The following KNTC1 variants were observed in gnomAD, a reference collection of about 807,000 sequenced individuals.
The protein encoded by KNTC1 is kinetochore associated 1.
A neutral mutation model predicts 314.4 loss-of-function variants in KNTC1; 253 were observed. The observed-to-expected ratio is 0.80, with a 90% CI of 0.73 to 0.89. The LOEUF (loss-of-function observed/expected upper bound fraction) is 0.89, where lower values mean the gene tolerates loss of function less well. Ranked by LOEUF, KNTC1 falls within the 40% of genes least tolerant of loss-of-function variation. The pLI, the probability that KNTC1 is intolerant of heterozygous loss-of-function variation, is 0.00. For missense variants in KNTC1, 2,475 were observed against 2,572.9 expected, an observed-to-expected ratio of 0.96 and a Z score of 0.82; for synonymous variants, 901 against 901.4, an observed-to-expected ratio of 1.00 and a Z score of 0.01.
intron 49 of KNTC1, 79 bp downstream of exon 49, chr12:122,604,716 C>A: frequency 8.1e-7 from 1 of 1,241,964 alleles, no homozygotes; most frequent in Non-Finnish European, 1.2e-6. Flanking sequence ...TCTCATGCTG[C>A]CCTGGTGCCT....
Position 122,584,278 on chromosome 12 carries a change from C to G in KNTC1, c.3264C>G (p.Ser1088Arg). 1 of 1,601,540 alleles carries G rather than the reference C, an allele frequency of 6.2e-7. No individual in the cohort carries two copies. The highest frequency in any genetic ancestry group is 8.5e-7 in the Non-Finnish European group (1 of 1,172,170). ...GNIKTALKKC[S>R]DLFKYHCNAD... The stretch of plus-strand genomic sequence containing the variant: ...TACCAATACTTTCTTTCTTCCAAAG[C>G]GACTTGTTTAAGTATCACTGCAATG... Residue 1088 changes from serine (S) to arginine (R), a missense_variant and splice_region_variant, in exon 35 of 64, where the codon AGC (serine) becomes AGG (arginine). By Grantham distance (110) the Ser-to-Arg change is moderately radical. Transcript: ENST00000333479.
Position 122,549,780 on chromosome 12 carries a change from G to C in KNTC1, c.1002G>C (p.Met334Ile). ...ASANKKMKNL[M>I]VYSLPTMEIL... is the part of the protein sequence containing the mutation. Reference sequence around the variant, plus strand: ...ATTTTTCTTAGATGAAAAACCTCATGGTTTATTCATTACCTACAATGGAAA... The same window carrying C: ...ATTTTTCTTAGATGAAAAACCTCATCGTTTATTCATTACCTACAATGGAAA... The change falls in exon 13 of 64, where the codon ATG (methionine) becomes ATC (isoleucine). Residue 334 changes from methionine to isoleucine, a missense_variant. Met to Ile is a conservative substitution (Grantham distance 10). Coordinates refer to ENST00000333479, the MANE Select transcript of KNTC1 (RefSeq NM_014708.6). The C allele has an allele frequency of 6.6e-7, 1 of 1,513,516 alleles. No homozygotes were observed. The highest frequency in any genetic ancestry group is 9.1e-7 in the Non-Finnish European group (1 of 1,104,548). 93.8% of individuals were successfully genotyped at this position (1,513,516 alleles called of 1,614,324 possible).
At chr12:122,603,988 T>C (rs1872287494) in intron 48 of KNTC1, among the ~76,000 whole-genome samples, 1 of 152,088 alleles carries the variant, frequency 6.6e-6, no homozygotes, top group African/African-American at 2.4e-5. Context: ...TGGAGAGATA[T>C]CCAAGATATG....
At chr12:122,566,768 T>TG (rs1362367104) in intron 20 of KNTC1, among the ~76,000 whole-genome samples, 1 of 144,186 alleles carries the variant, frequency 6.9e-6, no homozygotes, top group Non-Finnish European at 1.5e-5. Context: ...GTTTTTTTTT[T>TG]TTTTTTTTTT....
Position 122,542,080 on chromosome 12 carries a change from GT to G in KNTC1, c.477del (p.Ser159ArgfsTer12), listed in dbSNP as rs1332934947. 1.2e-5 allele frequency: 19 copies of G among 1,546,780 alleles called. No individual in the cohort carries two copies. Among genetic ancestry groups the G allele is most frequent in the Non-Finnish European group, 1.6e-5 (18 of 1,135,796 alleles). On this transcript the variant is annotated frameshift_variant, in exon 6 of 64. Coordinates refer to ENST00000333479, the MANE Select transcript of KNTC1 (RefSeq NM_014708.6). LOFTEE classifies it high-confidence loss of function. ...TATTATATGCTACTTCTTACATACA[GT>G]GGATTTTTTTGTATTACAAACCTTC... ...GTYYMLLLTY[S>X]GFFCITNLQL...
At chr12:122,601,320 C>T (rs1022753385) in intron 44 of KNTC1, among the ~76,000 whole-genome samples, 10 of 148,960 alleles carry the variant, frequency 6.7e-5, no homozygotes, top group African/African-American at 2.2e-4. Flanking sequence ...CTCCTGACCT[C>T]GTGATCCACC....
chr12:122,591,924 C>T (rs2138049858), intron 42 of KNTC1, among the ~76,000 whole-genome samples: 1 of 152,362 alleles, frequency 6.6e-6, no homozygotes, highest in East Asian at 1.9e-4. Context: ...ACTTTGGCGG[C>T]ACTTGAGGAG....
rs1273506560 is a variant in KNTC1 at position 122,585,474 on chromosome 12, C to T, written c.3535-162C>T. ...CAGTCACTTGATTGGCTTTAATTTG[C>T]ACTATCTTTCAAAACATTGGGCCTC... On this transcript the variant is annotated intron_variant, in intron 36 of 63. Transcript: ENST00000333479. Among the ~76,000 whole-genome samples the T allele has an allele frequency of 2.6e-5, 4 of 152,202 alleles. No individual in the cohort carries two copies. The East Asian group carries it at 7.7e-4, about 29-fold the overall frequency.
intron 59 of KNTC1, among the ~76,000 whole-genome samples, chr12:122,619,814 C>T (rs1874218479): frequency 6.6e-6 from 1 of 152,192 alleles, no homozygotes; most frequent in African/African-American, 2.4e-5. Flanking sequence ...TGAGTACCTA[C>T]TGTATGAGCA....
chr12:122,582,557 C>G, intron 33 of KNTC1, 148 bp from the exon 34 acceptor site: 5 of 690,472 alleles, frequency 7.2e-6, no homozygotes. Flanking sequence ...CTCAGCATCA[C>G]ACAATATACC....
At chr12:122,540,431 C>G (rs933428967) in intron 5 of KNTC1, among the ~76,000 whole-genome samples, 8 of 152,080 alleles carry the variant, frequency 5.3e-5, no homozygotes, top group Non-Finnish European at 7.4e-5. Context: ...CTCAGGTGAT[C>G]TGCCTGTGAG....
At chr12:122,585,587 G>T (rs1314815105) in intron 36 of KNTC1, 49 bp from the exon 37 acceptor site, 1 of 1,597,414 alleles carries the variant, frequency 6.3e-7, no homozygotes, top group East Asian at 2.2e-5. Context: ...GAAACAATGT[G>T]TTGTGCAGCG....
At position 122,597,749 on chromosome 12, in the gene KNTC1, C is replaced by T. The variant is rs755787504; in HGVS notation, c.4374C>T (p.Cys1458=). ...CTTTTAGCACATTTCAGTTGGACTG[C>T]GATGCAGTTCTTCAGCTCTTCATTG... ...LEYCSTFQLD[C]DAVLQLFIET... Residue 1458 remains cysteine, a synonymous_variant, in exon 44 of 64, where the codon TGC becomes TGT. Transcript: ENST00000333479. 20 of 1,613,642 alleles carry T rather than the reference C, an allele frequency of 1.2e-5. No individual in the cohort carries two copies. The highest frequency in any genetic ancestry group is 2.7e-5 in the African/African-American group (2 of 74,922).
intron 18 of KNTC1, 41 bp from the exon 19 acceptor site, chr12:122,561,877 CAGT>C (rs748598203): frequency 5.8e-5 from 84 of 1,450,952 alleles, no homozygotes; most frequent in Non-Finnish European, 7.8e-5. Flanking sequence ...AGGAAATAAA[CAGT>C]AGATATTCTT....
chr12:122,605,565 G>A (rs1872498706), intron 51 of KNTC1, 150 bp downstream of exon 51: 3 of 534,430 alleles, frequency 5.6e-6, no homozygotes, highest in Non-Finnish European at 3.4e-6. Context: ...TTTTGTTTTT[G>A]AGATGGAGTC....
At chr12:122,619,741 A>G (rs1253631034) in intron 59 of KNTC1, among the ~76,000 whole-genome samples, 1 of 150,544 alleles carries the variant, frequency 6.6e-6, no homozygotes, top group Admixed American at 6.6e-5. Context: ...AAATATCTTG[A>G]TTATTTTTAC....
At chr12:122,572,674 A>C (rs1278736269) in intron 24 of KNTC1, among the ~76,000 whole-genome samples, 1 of 152,162 alleles carries the variant, frequency 6.6e-6, no homozygotes, top group Admixed American at 6.5e-5. Context: ...CTGTGTACTA[A>C]GTATACTTGG....
intron 44 of KNTC1, among the ~76,000 whole-genome samples, chr12:122,598,415 T>C (rs1319559894): frequency 2.0e-5 from 2 of 99,452 alleles, no homozygotes; most frequent in Admixed American, 1.1e-4. Flanking sequence ...TTTTTCTTTT[T>C]CTTTTCTTTT....
rs145079227 is a variant in KNTC1, at chr12:122,535,173, T to C, written c.250+389T>C. On this transcript the variant is annotated intron_variant, in intron 3 of 63. Transcript: ENST00000333479. ...CTCTCTAAAAATCCTTTAACATACT[T>C]ATGAATTAATTCTTCATCGAGCTAC... is the stretch of plus-strand genomic sequence containing the variant. 6.1e-3 allele frequency among the ~76,000 whole-genome samples: 927 copies of C among 152,314 alleles called. 14 individuals carry two copies. Among genetic ancestry groups the C allele is most frequent in the African/African-American group, 0.021 (888 of 41,560 alleles).
Sources: allele counts gnomAD v4.1 joint callset (sites outside exome capture counted in the v4.1 genomes callset), GRCh38; gene constraint gnomAD v4.1.1; transcripts MANE v1.5; gene names NCBI Gene and HGNC (gene_info 2026-07-23, HGNC 2026-07-21).